Variants in ATG5 observed in about 807,000 individuals in gnomAD.
The protein encoded by ATG5 is autophagy related 5.
Under a neutral mutation model 36.5 loss-of-function variants are expected in ATG5, and 14 were observed. The ratio of observed to expected loss-of-function variants is 0.38; its 90% CI spans 0.25 to 0.60. The LOEUF (loss-of-function observed/expected upper bound fraction) is 0.60, where lower values mean the gene tolerates loss of function less well. ATG5 is among the 20% of genes least tolerant of loss of function. ATG5 has a pLI of 0.60. For missense variants in ATG5, 195 were observed against 326.7 expected (o/e 0.60, Z 3.11); for synonymous variants, 95 against 101.5 (o/e 0.94, Z 0.38).
rs866313330 is a variant in ATG5 at position 106,186,313 on chromosome 6, C to G, written c.*227G>C. The G allele has an allele frequency of 8.3e-6, 4 of 483,514 alleles. No homozygotes were observed. The highest frequency in any genetic ancestry group is 1.1e-5 in the Non-Finnish European group (3 of 275,474). The allele number at this position is 483,514 out of a possible 1,614,324, so 30.0% of individuals were successfully genotyped here. On this transcript the variant is annotated 3_prime_UTR_variant, in exon 8 of 8. Transcript: ENST00000369076. ...ACCTTCAGTGGTCCGGTAAGTCTTT[C>G]ATGTCACAGCTGAGGTTTAATGATG...
intron 4 of ATG5, among the ~76,000 whole-genome samples, chr6:106,289,453 A>G (rs1582658818): frequency 6.6e-6 from 1 of 152,172 alleles, no homozygotes; most frequent in Admixed American, 6.5e-5. Flanking sequence ...CAGGATAAGA[A>G]TAAGTAAGAA....
At chr6:106,283,231 C>A (rs1405801643) in intron 4 of ATG5, among the ~76,000 whole-genome samples, 6 of 152,132 alleles carry the variant, frequency 3.9e-5, no homozygotes, top group Non-Finnish European at 8.8e-5. Context: ...CATCCATGAT[C>A]ATGAAATATA....
rs145922831 is a variant in ATG5 at position 106,188,764 on chromosome 6, C to T, written c.692-2088G>A. Among the ~76,000 whole-genome samples, 397 of 152,288 alleles carry T rather than the reference C, an allele frequency of 2.6e-3. 1 individual carries two copies. The highest frequency in any genetic ancestry group is 9.1e-3 in the African/African-American group (380 of 41,562). ...AGCTGGGGCCACTTTTAATTTTTAA[C>T]ATAAAAGCATCACTAACTAAATTTA... On this transcript the variant is annotated intron_variant, in intron 7 of 7. Coordinates refer to ENST00000369076, the MANE Select transcript of ATG5 (RefSeq NM_004849.4).
At chr6:106,252,572 T>C (rs967231448) in intron 5 of ATG5, among the ~76,000 whole-genome samples, 1 of 152,170 alleles carries the variant, frequency 6.6e-6, no homozygotes, top group Non-Finnish European at 1.5e-5. Flanking sequence ...CAGGAAAAAG[T>C]GATAACTTTA....
intron 6 of ATG5, among the ~76,000 whole-genome samples, chr6:106,215,341 C>A (rs773146672): frequency 7.2e-5 from 11 of 152,200 alleles, no homozygotes; most frequent in Non-Finnish European, 1.5e-4. Flanking sequence ...GCTCTTCAAA[C>A]AGTCTCACCT....
intron 6 of ATG5, among the ~76,000 whole-genome samples, chr6:106,218,438 C>T (rs561385015): frequency 6.6e-6 from 1 of 152,250 alleles, no homozygotes; most frequent in African/African-American, 2.4e-5. Flanking sequence ...TTTAAAAACA[C>T]TCTAAAGCAA....
chr6:106,208,815 A>C (rs1776741377), intron 6 of ATG5, among the ~76,000 whole-genome samples: 1 of 152,218 alleles, frequency 6.6e-6, no homozygotes. Flanking sequence ...GAACTCCCAA[A>C]ATTCAACAGT....
intron 4 of ATG5, among the ~76,000 whole-genome samples, chr6:106,286,838 A>G (rs1780099509): frequency 6.6e-6 from 1 of 152,138 alleles, no homozygotes. Flanking sequence ...TCCTACAACC[A>G]TAGGATATGA....
At chr6:106,224,884 A>T (rs1332433592) in intron 6 of ATG5, among the ~76,000 whole-genome samples, 2 of 152,208 alleles carry the variant, frequency 1.3e-5, no homozygotes, top group Admixed American at 6.5e-5. Context: ...TCTTGTCTCA[A>T]AAAACAAACA....
intron 3 of ATG5, among the ~76,000 whole-genome samples, chr6:106,298,669 T>A (rs1770080366): frequency 6.6e-6 from 1 of 152,206 alleles, no homozygotes; most frequent in African/African-American, 2.4e-5. Flanking sequence ...AGGAGTAAGA[T>A]AACCATTTAC....
intron 6 of ATG5, among the ~76,000 whole-genome samples, chr6:106,205,297 G>T (rs1289426615): frequency 1.3e-5 from 2 of 152,176 alleles, no homozygotes; most frequent in African/African-American, 4.8e-5. Flanking sequence ...GGTACCTCCC[G>T]CAGTCCAACC....
chr6:106,318,177 T>A (rs573151996), intron 1 of ATG5, among the ~76,000 whole-genome samples: 1 of 152,132 alleles, frequency 6.6e-6, no homozygotes, highest in Non-Finnish European at 1.5e-5. Flanking sequence ...TCAAGCACTG[T>A]CCTCTCAAGG....
intron 6 of ATG5, among the ~76,000 whole-genome samples, chr6:106,242,577 T>C (rs1778171565): frequency 6.6e-6 from 1 of 152,098 alleles, no homozygotes; most frequent in Non-Finnish European, 1.5e-5. Flanking sequence ...TTTACCATGA[T>C]TAAAAATTAA....
chr6:106,307,464 T>C (rs773956267), intron 3 of ATG5, among the ~76,000 whole-genome samples: 2 of 151,062 alleles, frequency 1.3e-5, no homozygotes, highest in Admixed American at 6.6e-5. Context: ...AAACTCCCAA[T>C]AACAGAGGAA....
intron 3 of ATG5, among the ~76,000 whole-genome samples, chr6:106,301,349 A>G (rs563915256): frequency 1.3e-5 from 2 of 152,222 alleles, no homozygotes; most frequent in East Asian, 3.9e-4. Context: ...AATTTTTTTA[A>G]TTCTAATTTG....
chr6:106,320,486 A>G (rs1172493768), intron 1 of ATG5, among the ~76,000 whole-genome samples: 2 of 152,170 alleles, frequency 1.3e-5, no homozygotes, highest in Non-Finnish European at 2.9e-5. Flanking sequence ...GAGTAGTATT[A>G]ATAGATAATG....
chr6:106,200,659 T>TGTG (rs1157131633), intron 7 of ATG5, among the ~76,000 whole-genome samples: 3 of 152,068 alleles, frequency 2.0e-5, no homozygotes, highest in African/African-American at 7.2e-5. Context: ...TTGTGTGTTT[T>TGTG]TTAGTAGAGA....
chr6:106,235,488 GAGAC>G (rs1777863770), intron 6 of ATG5, among the ~76,000 whole-genome samples: 1 of 152,030 alleles, frequency 6.6e-6, no homozygotes, highest in Non-Finnish European at 1.5e-5. Context: ...GGGGGACTGA[GAGAC>G]AGGATTAGCT....
Position 106,308,474 on chromosome 6 carries a change from T to C in ATG5, c.126A>G (p.Val42=). Residue 42 remains valine, a synonymous_variant, in exon 3 of 8, where the codon GTA becomes GTG. Transcript: ENST00000369076. ...AEPYYLLLPR[V]SYLTLVTDKV... is the part of the protein sequence containing the mutation. ...TGTCAGTTACCAACGTCAAATAACT[T>C]ACTCTTGGCAAAAGCAACTGAAATG... 2 of 1,577,968 alleles carry C rather than the reference T, an allele frequency of 1.3e-6. No individual in the cohort carries two copies. The highest frequency in any genetic ancestry group is 1.7e-6 in the Non-Finnish European group (2 of 1,163,838).
Sources: allele counts gnomAD v4.1 joint callset (sites outside exome capture counted in the v4.1 genomes callset), GRCh38; gene constraint gnomAD v4.1.1; transcripts MANE v1.5; gene names NCBI Gene and HGNC (gene_info 2026-07-23, HGNC 2026-07-21).